The following SDK1 variants were observed in gnomAD, a reference collection of about 807,000 sequenced individuals.
SDK1 encodes the protein protein sidekick-1.
SDK1 carries 157 observed loss-of-function variants against 245.5 expected under a neutral mutation model. The observed-to-expected ratio is 0.64, with a 90% CI of 0.56 to 0.73. The LOEUF (loss-of-function observed/expected upper bound fraction) is 0.73. Among genes scored for constraint, SDK1 ranks in the 30% least tolerant of loss-of-function variants. SDK1 has a pLI of 0.00. For missense variants in SDK1, 3,583 were observed against 3,002.3 expected (o/e 1.19, Z -4.52); for synonymous variants, 1,647 against 1,278.5 (o/e 1.29, Z -6.15).
At chr7:3,913,494 T>G (rs1779257923) in intron 5 of SDK1, among the ~76,000 whole-genome samples, 1 of 152,012 alleles carries the variant, frequency 6.6e-6, no homozygotes, top group East Asian at 1.9e-4. Flanking sequence ...GGGGTTTCAC[T>G]ATGTTAGCCA....
At chr7:4,213,594 A>AC (rs1207845918) in intron 38 of SDK1, among the ~76,000 whole-genome samples, 1 of 151,942 alleles carries the variant, frequency 6.6e-6, no homozygotes, top group Non-Finnish European at 1.5e-5. Flanking sequence ...AAAAAAAAAA[A>AC]AACCAGTACT....
intron 4 of SDK1, among the ~76,000 whole-genome samples, chr7:3,659,774 G>C (rs750749120): frequency 6.6e-6 from 1 of 152,214 alleles, no homozygotes; most frequent in Non-Finnish European, 1.5e-5. Context: ...TTCTGCAAAT[G>C]CCCCGGCAAG....
chr7:3,447,685 C>A (rs1047846863), intron 1 of SDK1, among the ~76,000 whole-genome samples: 5 of 140,860 alleles, frequency 3.5e-5, no homozygotes, highest in Non-Finnish European at 4.6e-5. Context: ...CGGTAAATAT[C>A]TTAGCTTATA....
intron 32 of SDK1, among the ~76,000 whole-genome samples, chr7:4,167,276 G>A (rs2128214869): frequency 6.6e-6 from 1 of 152,246 alleles, no homozygotes; most frequent in South Asian, 2.1e-4. Context: ...TATAGTCCCA[G>A]CTACTCAGGC....
At chr7:4,173,353 G>A (rs569734329) in intron 32 of SDK1, among the ~76,000 whole-genome samples, 132 of 152,280 alleles carry the variant, frequency 8.7e-4, no homozygotes, top group African/African-American at 2.7e-3. Context: ...TGTCTCCTGC[G>A]TGGAAACATC....
In SDK1 at chr7:4,196,520, GC is replaced by G. The variant is rs560655183; in HGVS notation, c.5099-9355del. 3.3e-5 allele frequency among the ~76,000 whole-genome samples: 5 copies of G among 152,182 alleles called. No homozygotes were observed. The East Asian group carries it at 9.7e-4, about 29-fold the overall frequency. ...ACAGCCTCTTCCACCTCAGCTGCTGGCCCCTCCCTGCCCCTTGCTCTCCACG... is the reference window on the plus strand; with the variant it reads ...ACAGCCTCTTCCACCTCAGCTGCTGGCCCTCCCTGCCCCTTGCTCTCCACG... On this transcript the variant is annotated intron_variant, in intron 35 of 44. Coordinates refer to ENST00000404826, the MANE Select transcript of SDK1 (RefSeq NM_152744.4).
intron 8 of SDK1, 32 bp downstream of exon 8, chr7:3,959,046 C>T: frequency 1.3e-6 from 2 of 1,531,294 alleles, no homozygotes; most frequent in Non-Finnish European, 1.8e-6. Flanking sequence ...GACAAGGAGC[C>T]ATGACTGGGA....
Position 3,788,804 on chromosome 7 carries a change from A to G in SDK1, c.714-32646A>G, listed in dbSNP as rs113000698. On this transcript the variant is annotated intron_variant, in intron 4 of 44. Transcript: ENST00000404826. ...GTAGTGCTACCCAAAGGTCCCTCAA[A>G]AAGCATCATTCGCCCTTGCCTCTCC... Among the ~76,000 whole-genome samples the G allele has an allele frequency of 6.9e-3, 1,049 of 152,282 alleles. 13 individuals are homozygous for G. Among genetic ancestry groups the G allele is most frequent in the African/African-American group, 0.023 (950 of 41,560 alleles).
chr7:3,981,987 A>G (rs1424216245), intron 13 of SDK1, among the ~76,000 whole-genome samples: 1 of 152,240 alleles, frequency 6.6e-6, no homozygotes, highest in East Asian at 1.9e-4. Flanking sequence ...GATACCATCT[A>G]GGACTTTCCT....
rs932720934 is a variant in SDK1, at chr7:3,901,928, C to G, written c.848-48995C>G. Among the ~76,000 whole-genome samples the G allele has an allele frequency of 2.6e-5, 4 of 152,140 alleles. 1 individual carries two copies. The highest frequency in any genetic ancestry group is 9.7e-5 in the African/African-American group (4 of 41,430). On this transcript the variant is annotated intron_variant, in intron 5 of 44. Coordinates refer to ENST00000404826, the MANE Select transcript of SDK1 (RefSeq NM_152744.4). ...GGTGTTAACATTGTTTCAGATTTGG[C>G]TGCTGGGCATGGTTTCAGAGTATCT...
At chr7:4,207,262 G>T (rs1198675917) in intron 36 of SDK1, among the ~76,000 whole-genome samples, 1 of 152,216 alleles carries the variant, frequency 6.6e-6, no homozygotes, top group Admixed American at 6.5e-5. Flanking sequence ...ACATGGGCAA[G>T]CCGCTCTAAC....
intron 1 of SDK1, among the ~76,000 whole-genome samples, chr7:3,495,174 C>A (rs1415500046): frequency 6.6e-6 from 1 of 151,406 alleles, no homozygotes; most frequent in Non-Finnish European, 1.5e-5. Flanking sequence ...TCCTCCTGAT[C>A]ATGCATTGTC....
chr7:3,832,022 G>C (rs1032278006), intron 5 of SDK1, among the ~76,000 whole-genome samples: 4 of 152,148 alleles, frequency 2.6e-5, no homozygotes, highest in Non-Finnish European at 5.9e-5. Context: ...CTGTACTCCA[G>C]CCTGGGCAAC....
At chr7:3,956,611 C>T (rs2128127532) in intron 7 of SDK1, among the ~76,000 whole-genome samples, 1 of 152,356 alleles carries the variant, frequency 6.6e-6, no homozygotes, top group South Asian at 2.1e-4. Context: ...CACTGAGCTA[C>T]TAAAACTGCC....
chr7:4,001,437 C>T (rs966157713), intron 14 of SDK1, among the ~76,000 whole-genome samples: 1 of 152,212 alleles, frequency 6.6e-6, no homozygotes, highest in Non-Finnish European at 1.5e-5. Flanking sequence ...AGTCTGGCCT[C>T]GGTGGGCCAC....
At chr7:3,302,772 T>C (rs908675023) in intron 1 of SDK1, among the ~76,000 whole-genome samples, 3 of 152,202 alleles carry the variant, frequency 2.0e-5, no homozygotes, top group African/African-American at 7.2e-5. Context: ...ATTAGTGAAC[T>C]GGTTTTGCTG....
At chr7:4,179,158 C>G (rs1442383701) in intron 35 of SDK1, 2 of 152,400 alleles carry the variant, frequency 1.3e-5, no homozygotes, top group Admixed American at 6.5e-5. Flanking sequence ...CCGGGCCCAG[C>G]GTGCCGCAGG....
At chr7:3,545,887 A>G (rs1327371936) in intron 1 of SDK1, among the ~76,000 whole-genome samples, 2 of 152,238 alleles carry the variant, frequency 1.3e-5, no homozygotes, top group East Asian at 3.8e-4. Context: ...TGTATATTCT[A>G]GTTTCCTTCT....
chr7:3,786,851 C>G (rs982995419), intron 4 of SDK1, among the ~76,000 whole-genome samples: 4 of 152,162 alleles, frequency 2.6e-5, no homozygotes, highest in African/African-American at 7.2e-5. Flanking sequence ...CCCTACAACT[C>G]CCTTTGGCTC....
Sources: gnomAD v4.1 joint callset for allele counts (sites outside exome capture counted in the v4.1 genomes callset) on GRCh38, gnomAD v4.1.1 for gene constraint, MANE v1.5 for transcripts, NCBI Gene and HGNC (gene_info 2026-07-23, HGNC 2026-07-21) for gene names.